EIF2AK4: variants seen among roughly 807,000 people sequenced by gnomAD.
The protein encoded by EIF2AK4 is eukaryotic translation initiation factor 2 alpha kinase 4, also known as eIF-2-alpha kinase GCN2.
A neutral mutation model predicts 211.1 loss-of-function variants in EIF2AK4; 139 were observed. The observed-to-expected ratio is 0.66, with a 90% confidence interval of 0.57 to 0.76. The LOEUF is 0.76. Ranked by LOEUF, EIF2AK4 falls within the 30% of genes least tolerant of loss-of-function variation. The pLI is 0.00. For missense variants in EIF2AK4, 1,664 were observed against 2,043.8 expected (o/e 0.81, Z 3.58); for synonymous variants, 710 against 751.3 (o/e 0.94, Z 0.90).
intron 6 of EIF2AK4, among the ~76,000 whole-genome samples, chr15:39,958,394 T>C (rs2034421254): frequency 6.6e-6 from 1 of 152,216 alleles, no homozygotes; most frequent in Non-Finnish European, 1.5e-5. Flanking sequence ...TAGTTTGTTT[T>C]CCCTATTCTA....
At chr15:40,008,407 G>A (rs1405767115) in intron 25 of EIF2AK4, among the ~76,000 whole-genome samples, 1 of 152,126 alleles carries the variant, frequency 6.6e-6, no homozygotes, top group African/African-American at 2.4e-5. Flanking sequence ...TTTGGGGGAT[G>A]GGTATTCTCT....
chr15:39,960,142 C>T lies in EIF2AK4; in HGVS notation c.744-1642C>T, dbSNP rs370261805. ...TCGCGCCACTGCACTCCAGCCTGGG[C>T]GACAGAGCGAGACTCCATCTCAAAA... On this transcript the variant is annotated intron_variant, in intron 6 of 38. Transcript: ENST00000263791. 1.1e-4 allele frequency among the ~76,000 whole-genome samples: 14 copies of T among 131,042 alleles called. No individual in the cohort carries two copies. The Admixed American group carries it at 1.2e-3, about 11-fold the overall frequency. 86.0% of individuals were successfully genotyped at this position (131,042 alleles called of 152,430 possible).
chr15:39,938,141 T>C (rs2034093954), intron 1 of EIF2AK4, among the ~76,000 whole-genome samples: 1 of 152,126 alleles, frequency 6.6e-6, no homozygotes, highest in Admixed American at 6.5e-5. Flanking sequence ...ATTATGTTTG[T>C]TTTCCCCCAC....
At chr15:39,984,819 TCTTTCTATTTTAATACC>T (rs2034842319) in intron 13 of EIF2AK4, among the ~76,000 whole-genome samples, 1 of 152,228 alleles carries the variant, frequency 6.6e-6, no homozygotes. Context: ...TGACTTCCTC[TCTTTCTATTTTAATACC>T]CTTTATTTCT....
intron 3 of EIF2AK4, among the ~76,000 whole-genome samples, chr15:39,945,179 C>A (rs1370500341): frequency 6.6e-6 from 1 of 151,634 alleles, no homozygotes; most frequent in African/African-American, 2.4e-5. Context: ...CGAAGTCTCA[C>A]CATCTTGCCC....
intron 11 of EIF2AK4, chr15:39,974,778 C>T (rs1392022619): frequency 6.6e-6 from 1 of 152,160 alleles, no homozygotes; most frequent in East Asian, 1.9e-4. Flanking sequence ...CTTAAGCCCC[C>T]ACGGTTTCCA....
intron 3 of EIF2AK4, among the ~76,000 whole-genome samples, chr15:39,944,495 A>C (rs1005070505): frequency 7.0e-6 from 1 of 141,888 alleles, no homozygotes; most frequent in African/African-American, 2.7e-5. Context: ...GCAATGGCGC[A>C]ATCTCGGCTC....
intron 2 of EIF2AK4, among the ~76,000 whole-genome samples, chr15:39,940,421 A>G (rs2034129030): frequency 6.6e-6 from 1 of 152,030 alleles, no homozygotes; most frequent in Admixed American, 6.5e-5. Flanking sequence ...GTAAAAGGAA[A>G]CTCTGCTTTA....
chr15:40,006,123 G>A (rs2035159453), intron 23 of EIF2AK4, among the ~76,000 whole-genome samples: 1 of 152,168 alleles, frequency 6.6e-6, no homozygotes, highest in African/African-American at 2.4e-5. Context: ...TTGGAGGGGG[G>A]AGTGGAATCT....
intron 14 of EIF2AK4, among the ~76,000 whole-genome samples, chr15:39,987,572 A>G (rs1246559636): frequency 5.9e-5 from 9 of 152,184 alleles, no homozygotes; most frequent in Non-Finnish European, 8.8e-5. Context: ...TCTAAACTTG[A>G]AGGTCATTTG....
At chr15:40,024,401 T>C (rs922099258) in intron 32 of EIF2AK4, among the ~76,000 whole-genome samples, 2 of 144,234 alleles carry the variant, frequency 1.4e-5, no homozygotes, top group African/African-American at 5.3e-5. Context: ...GGTTGAGTTT[T>C]CCTTTTTTTT....
At chr15:39,996,554 CA>C (rs1274776212) in intron 18 of EIF2AK4, among the ~76,000 whole-genome samples, 1 of 151,880 alleles carries the variant, frequency 6.6e-6, no homozygotes, top group Non-Finnish European at 1.5e-5. Flanking sequence ...AAAATACACA[CA>C]AAAAAATTAG....
Position 39,967,055 on chromosome 15 carries a change from G to A in EIF2AK4, c.1018-289G>A, listed in dbSNP as rs556327401. Among the ~76,000 whole-genome samples the A allele has an allele frequency of 4.6e-5, 7 of 152,236 alleles. No homozygotes were observed. The South Asian group carries it at 1.5e-3, about 32-fold the overall frequency. ...ATTTTAAAAACTGTTCACTAATTTT[G>A]TAGTATATGCATAGTAGGTTTTGAG... On this transcript the variant is annotated intron_variant, in intron 8 of 38. Coordinates refer to ENST00000263791, the MANE Select transcript of EIF2AK4 (RefSeq NM_001013703.4).
intron 27 of EIF2AK4, among the ~76,000 whole-genome samples, chr15:40,015,047 C>T (rs936498265): frequency 6.6e-6 from 1 of 152,182 alleles, no homozygotes; most frequent in African/African-American, 2.4e-5. Context: ...TCTGAGACCA[C>T]CTCAGCCTGG....
At chr15:39,985,561 A>G (rs572799057) in intron 13 of EIF2AK4, among the ~76,000 whole-genome samples, 1 of 152,340 alleles carries the variant, frequency 6.6e-6, no homozygotes, top group African/African-American at 2.4e-5. Context: ...GAATCCCTGA[A>G]TAGACCAATA....
At chr15:39,950,739 G>A (rs1566982949) in intron 4 of EIF2AK4, among the ~76,000 whole-genome samples, 1 of 136,846 alleles carries the variant, frequency 7.3e-6, no homozygotes, top group Non-Finnish European at 1.6e-5. Context: ...TTGATGATCG[G>A]TGTTCACACA....
At position 39,992,800 on chromosome 15, in the gene EIF2AK4, C is replaced by T; in HGVS notation, c.2718C>T (p.Leu906=). ...GHLTGMVGTA[L]YVSPEVQGST... ...TAACTGGGATGGTTGGCACTGCTCT[C>T]TATGTAAGCCCAGAGGTCCAAGGAA... Residue 906 remains leucine (L), a synonymous_variant, in exon 18 of 39, where the codon CTC becomes CTT. Transcript: ENST00000263791. The T allele has an allele frequency of 6.2e-7, 1 of 1,614,162 alleles. No homozygotes were observed. The highest frequency in any genetic ancestry group is 8.5e-7 in the Non-Finnish European group (1 of 1,180,040).
At chr15:39,956,168 G>A (rs866802246) in intron 6 of EIF2AK4, among the ~76,000 whole-genome samples, 4 of 151,924 alleles carry the variant, frequency 2.6e-5, no homozygotes, top group East Asian at 1.9e-4. Flanking sequence ...ACCACACCTG[G>A]CTAATTTTTG....
rs775264883 is a variant in EIF2AK4, at chr15:39,967,839, C to T, written c.1513C>T (p.Pro505Ser). Residue 505 changes from proline (P) to serine (S), a missense_variant, in exon 9 of 39, where the codon CCT becomes TCT. This residue lies in a region of EIF2AK4 where 641 missense variants were observed against 729.6 expected (regional missense o/e 0.88). Coordinates refer to ENST00000263791, the MANE Select transcript of EIF2AK4 (RefSeq NM_001013703.4). ...QECGEYPVTI[P>S]SDLPADFQDF... ...ATGTGGAGAGTACCCTGTGACCATC[C>T]CTAGTGACTTACCAGCTGACTTTCA... is the stretch of plus-strand genomic sequence containing the variant. The T allele has an allele frequency of 3.7e-6, 6 of 1,614,034 alleles. No homozygotes were observed. Among genetic ancestry groups the T allele is most frequent in the Non-Finnish European group, 5.1e-6 (6 of 1,179,930 alleles).
Sources: allele counts gnomAD v4.1 joint callset (sites outside exome capture counted in the v4.1 genomes callset), GRCh38; gene constraint gnomAD v4.1.1; regional missense constraint gnomAD v4.1.1; transcripts MANE v1.5; gene names NCBI Gene and HGNC (gene_info 2026-07-23, HGNC 2026-07-21).